Variants in SYN3 observed in about 807,000 individuals in gnomAD.
The protein encoded by SYN3 is synapsin-3.
SYN3 carries 35 observed loss-of-function variants against 65.8 expected under a neutral mutation model. The observed-to-expected ratio is 0.53, with a 90% CI of 0.41 to 0.70. SYN3 has a LOEUF of 0.70. Ranked by LOEUF, SYN3 falls within the 30% of genes least tolerant of loss-of-function variation. SYN3 has a pLI of 0.00. For missense variants in SYN3, 680 were observed against 749.0 expected (o/e 0.91, Z 1.08); for synonymous variants, 270 against 292.9 (o/e 0.92, Z 0.80).
chr22:33,028,700 G>GTGGTGGTGA (rs2053690602), intron 1 of SYN3, among the ~76,000 whole-genome samples: 2 of 135,768 alleles, frequency 1.5e-5, no homozygotes, highest in Non-Finnish European at 3.2e-5. Context: ...GATGGTGGTG[G>GTGGTGGTGA]TGGTGGTGGT....
chr22:32,852,500 C>T (rs1295685765), intron 6 of SYN3, among the ~76,000 whole-genome samples: 1 of 152,054 alleles, frequency 6.6e-6, no homozygotes, highest in Non-Finnish European at 1.5e-5. Flanking sequence ...TGGCACTGGT[C>T]CCTGGGAGAC....
At chr22:32,720,055 C>T (rs1475711276) in intron 6 of SYN3, among the ~76,000 whole-genome samples, 1 of 152,162 alleles carries the variant, frequency 6.6e-6, no homozygotes, top group African/African-American at 2.4e-5. Context: ...AGCCTAGTAA[C>T]TTAGCACACA....
At chr22:32,531,905 C>CTTTTT (rs5845007) in intron 10 of SYN3, among the ~76,000 whole-genome samples, 1 of 115,476 alleles carries the variant, frequency 8.7e-6, no homozygotes, top group South Asian at 2.8e-4. Flanking sequence ...ACTACTTTTA[C>CTTTTT]TTTTTTTTTT....
intron 1 of SYN3, among the ~76,000 whole-genome samples, chr22:33,048,545 T>G (rs978401177): frequency 5.9e-5 from 9 of 152,122 alleles, no homozygotes; most frequent in Non-Finnish European, 1.0e-4. Context: ...GCCCTATTAG[T>G]TCACACAAGA....
At chr22:32,584,926 C>A (rs2059001251) in intron 7 of SYN3, among the ~76,000 whole-genome samples, 1 of 152,128 alleles carries the variant, frequency 6.6e-6, no homozygotes, top group African/African-American at 2.4e-5. Flanking sequence ...TATAAATAAA[C>A]TCTCTAATTA....
chr22:32,998,001 T>C (rs2052935142), intron 2 of SYN3, among the ~76,000 whole-genome samples: 1 of 138,326 alleles, frequency 7.2e-6, no homozygotes. Flanking sequence ...CACTCCAGCC[T>C]GGGTGACAGA....
At position 32,922,508 on chromosome 22, in the gene SYN3, C is replaced by T. The variant is rs566559311; in HGVS notation, c.461+8882G>A. On this transcript the variant is annotated intron_variant, in intron 4 of 13. Coordinates refer to ENST00000358763, the MANE Select transcript of SYN3 (RefSeq NM_003490.4). ...ATGAATTTTGTATGTGCAATTCAAG[C>T]TGGCTTAAACAAAAAGGGATTTTTT... Among the ~76,000 whole-genome samples the T allele has an allele frequency of 1.2e-3, 189 of 152,254 alleles. 1 individual carries two copies. The highest frequency in any genetic ancestry group is 4.4e-3 in the African/African-American group (182 of 41,546).
chr22:32,594,032 T>C (rs550778240), intron 7 of SYN3, among the ~76,000 whole-genome samples: 1 of 152,046 alleles, frequency 6.6e-6, no homozygotes, highest in Admixed American at 6.5e-5. Context: ...GACAGAAAAG[T>C]GCCTGCTGAA....
At chr22:32,873,627 C>T (rs982150839) in intron 4 of SYN3, among the ~76,000 whole-genome samples, 3 of 152,146 alleles carry the variant, frequency 2.0e-5, no homozygotes, top group African/African-American at 4.8e-5. Context: ...GGTCTAAGGA[C>T]GGAACACCTG....
chr22:32,834,072 T>A (rs2047658521), intron 6 of SYN3, among the ~76,000 whole-genome samples: 1 of 151,998 alleles, frequency 6.6e-6, no homozygotes, highest in Admixed American at 6.6e-5. Flanking sequence ...TAATGGAAAA[T>A]GTATTCCAAT....
At chr22:32,649,855 C>A (rs1205180604) in intron 6 of SYN3, among the ~76,000 whole-genome samples, 1 of 152,098 alleles carries the variant, frequency 6.6e-6, no homozygotes, top group Non-Finnish European at 1.5e-5. Context: ...TGGTTTAGGA[C>A]AAATAATGAC....
At chr22:32,983,861 A>G (rs1203256826) in intron 2 of SYN3, among the ~76,000 whole-genome samples, 1 of 152,164 alleles carries the variant, frequency 6.6e-6, no homozygotes, top group Non-Finnish European at 1.5e-5. Flanking sequence ...CAAACATTTA[A>G]ATAAAAGACA....
chr22:32,514,909 G>A (rs1023230675), intron 13 of SYN3, among the ~76,000 whole-genome samples: 1 of 152,138 alleles, frequency 6.6e-6, no homozygotes, highest in Non-Finnish European at 1.5e-5. Flanking sequence ...CCAGCTACGC[G>A]GGAGGCTGAG....
rs138118019 is a variant in SYN3, at chr22:32,523,544, A to T, written c.1318+4374T>A. ...CAAACAAACAAACAAACAAAAAAAG[A>T]CAGTGAACTTACTTGATAAATGTGT... On this transcript the variant is annotated intron_variant, in intron 12 of 13. Transcript: ENST00000358763. 3.9e-3 allele frequency among the ~76,000 whole-genome samples: 591 copies of T among 152,210 alleles called. 5 individuals carry two copies. The highest frequency in any genetic ancestry group is 0.013 in the African/African-American group (552 of 41,534).
chr22:32,679,615 A>T (rs2060494186), intron 6 of SYN3, among the ~76,000 whole-genome samples: 1 of 151,942 alleles, frequency 6.6e-6, no homozygotes, highest in East Asian at 1.9e-4. Context: ...AAGTATTTTA[A>T]TTTTTCCATA....
intron 6 of SYN3, among the ~76,000 whole-genome samples, chr22:32,780,086 G>A (rs141096496): frequency 0.18 from 433 of 2,416 alleles, 1 homozygote; most frequent in African/African-American, 0.35. Context: ...AAAAGAGAGA[G>A]AAAAAAAGAG....
rs1311239033 is a variant in SYN3 at position 32,509,256 on chromosome 22, A to G, written c.*4436T>C. 6.6e-6 allele frequency among the ~76,000 whole-genome samples: 1 copy of G among 152,198 alleles called. No individual in the cohort carries two copies. Among genetic ancestry groups the G allele is most frequent in the Non-Finnish European group, 1.5e-5 (1 of 68,042 alleles). On this transcript the variant is annotated 3_prime_UTR_variant, in exon 14 of 14. Transcript: ENST00000358763. Reference sequence around the variant, plus strand: ...TCCCTGTTCATTGTGAACAAATCAAATAGGTCTTTGTTGTGTTTCAGCTTC... The same window carrying G: ...TCCCTGTTCATTGTGAACAAATCAAGTAGGTCTTTGTTGTGTTTCAGCTTC...
intron 6 of SYN3, among the ~76,000 whole-genome samples, chr22:32,739,967 GA>G (rs2061384286): frequency 6.6e-6 from 1 of 152,228 alleles, no homozygotes; most frequent in African/African-American, 2.4e-5. Flanking sequence ...TTCAACTTTG[GA>G]AGACATACAT....
intron 1 of SYN3, among the ~76,000 whole-genome samples, chr22:33,053,275 T>C (rs528078875): frequency 6.6e-6 from 1 of 152,026 alleles, no homozygotes; most frequent in African/African-American, 2.4e-5. Flanking sequence ...ATACAAAAAT[T>C]AGCCGGGTGC....
Sources: allele counts gnomAD v4.1 joint callset (sites outside exome capture counted in the v4.1 genomes callset), GRCh38; gene constraint gnomAD v4.1.1; transcripts MANE v1.5; gene names NCBI Gene and HGNC (gene_info 2026-07-23, HGNC 2026-07-21).